The following MFNG variants were observed in gnomAD, a reference collection of about 807,000 sequenced individuals.
MFNG encodes the protein beta-1,3-N-acetylglucosaminyltransferase manic fringe.
A neutral mutation model predicts 34.2 loss-of-function variants in MFNG; 24 were observed. That is an observed-to-expected ratio of 0.70 (90% CI 0.51 to 0.99). MFNG has a LOEUF of 0.99. Among genes scored for constraint, MFNG ranks in the 50% least tolerant of loss-of-function variants. The pLI, the probability that MFNG is intolerant of heterozygous loss-of-function variation, is 0.00. For synonymous variants in MFNG, 158 were observed against 179.2 expected, an observed-to-expected ratio of 0.88 and a Z score of 0.94; for missense variants, 383 against 424.0, an observed-to-expected ratio of 0.90 and a Z score of 0.85.
chr22:37,482,174 T>C lies in MFNG; in HGVS notation c.256-1405A>G, dbSNP rs1028775637. On this transcript the variant is annotated intron_variant, in intron 1 of 7. Transcript: ENST00000356998. The surrounding 1 kb of genome is among the most constrained non-coding windows in gnomAD (Gnocchi z 4.1). The stretch of plus-strand genomic sequence containing the variant: ...GGCCACAGCCCTGCTTCTGAGCCAC[T>C]ATCACCTCTCACTGGACTACTGCAA... Among the ~76,000 whole-genome samples the C allele has an allele frequency of 1.3e-5, 2 of 152,140 alleles. No individual in the cohort carries two copies. Among genetic ancestry groups the C allele is most frequent in the Non-Finnish European group, 2.9e-5 (2 of 68,016 alleles).
At chr22:37,476,651 G>C (rs1180205130) in intron 5 of MFNG, among the ~76,000 whole-genome samples, 3 of 152,322 alleles carry the variant, frequency 2.0e-5, no homozygotes, top group African/African-American at 4.8e-5. Flanking sequence ...CCGACGGGGG[G>C]ACTGGGGCTC....
intron 7 of MFNG, among the ~76,000 whole-genome samples, 153 bp downstream of exon 7, chr22:37,472,290 G>A (rs573318888): frequency 6.6e-6 from 1 of 152,214 alleles, no homozygotes; most frequent in East Asian, 1.9e-4. Context: ...CCAGTGGCAG[G>A]GTCAGAAACT....
intron 5 of MFNG, among the ~76,000 whole-genome samples, chr22:37,476,574 C>T (rs1922050897): frequency 1.3e-5 from 2 of 152,172 alleles, no homozygotes; most frequent in African/African-American, 4.8e-5. Context: ...CCTACCAGGG[C>T]CAGCCCAGAC....
intron 4 of MFNG, among the ~76,000 whole-genome samples, chr22:37,477,736 C>G (rs921814809): frequency 1.3e-5 from 2 of 152,204 alleles, no homozygotes; most frequent in Non-Finnish European, 2.9e-5. Context: ...AGATATGAGC[C>G]ACCGCGCCCG....
At chr22:37,480,852 C>T (rs1922263526) in intron 1 of MFNG, 83 bp from the exon 2 acceptor site, 1 of 1,222,384 alleles carries the variant, frequency 8.2e-7, no homozygotes, top group Non-Finnish European at 1.2e-6. Context: ...CCACCAGGCC[C>T]CAGATGGACT....
chr22:37,472,234 C>G (rs191189774), intron 7 of MFNG, among the ~76,000 whole-genome samples: 15 of 152,070 alleles, frequency 9.9e-5, no homozygotes, highest in African/African-American at 3.4e-4. Flanking sequence ...AATGGGAGAC[C>G]GAATCCCAGA....
At chr22:37,472,594 T>C in intron 6 of MFNG, 66 bp from the exon 7 acceptor site, 1 of 1,409,344 alleles carries the variant, frequency 7.1e-7, no homozygotes. Flanking sequence ...GGCAGCATCC[T>C]GGCACAGGTG....
rs969924598 is a variant in MFNG, at chr22:37,485,294, C to G, written c.255+629G>C. 5.9e-5 allele frequency among the ~76,000 whole-genome samples: 9 copies of G among 152,194 alleles called. No homozygotes were observed. The highest frequency in any genetic ancestry group is 1.0e-4 in the Non-Finnish European group (7 of 68,024). On this transcript the variant is annotated intron_variant, in intron 1 of 7. Transcript: ENST00000356998. The surrounding 1 kb of genome is among the most constrained non-coding windows in gnomAD (Gnocchi z 5.3). ...TGGCATGCGCTCTCCTTCCCTCCCT[C>G]GGAAGCAGTCCGCAGGAAGCCAACA... is the stretch of plus-strand genomic sequence containing the variant.
In MFNG at chr22:37,469,381, G is replaced by A. The variant is rs1267883493; in HGVS notation, c.*582C>T. Reference sequence around the variant, plus strand: ...GTTATGCTCCATCATCTGGGCCCCGGCATGCTGAGGCTCCAAACAAAATCT... The same window carrying A: ...GTTATGCTCCATCATCTGGGCCCCGACATGCTGAGGCTCCAAACAAAATCT... On this transcript the variant is annotated 3_prime_UTR_variant, in exon 8 of 8. Coordinates refer to ENST00000356998, the MANE Select transcript of MFNG (RefSeq NM_002405.4). 1 of 191,096 alleles carries A rather than the reference G, an allele frequency of 5.2e-6. No individual in the cohort carries two copies. The highest frequency in any genetic ancestry group is 9.8e-5 in the South Asian group (1 of 10,162). 11.8% of individuals were successfully genotyped at this position (191,096 alleles called of 1,614,324 possible). A position where few individuals can be genotyped will look rare whatever the true frequency, so the allele number is the denominator to read the frequency against.
rs761550375 is a variant in MFNG at position 37,485,899 on chromosome 22, G to C, written c.255+24C>G. On this transcript the variant is annotated intron_variant, in intron 1 of 7. Transcript: ENST00000356998. The surrounding 1 kb of genome is among the most constrained non-coding windows in gnomAD (Gnocchi z 5.3). ...CCCTTAGGCCAGGGGCCACCCCCAG[G>C]GCCCAATGTCACCCACTTGTCACCT... The C allele has an allele frequency of 8.1e-6, 13 of 1,600,636 alleles. No homozygotes were observed. The highest frequency in any genetic ancestry group is 5.4e-5 in the African/African-American group (4 of 74,694).
At chr22:37,475,938 G>C (rs2145730048) in intron 5 of MFNG, among the ~76,000 whole-genome samples, 1 of 152,344 alleles carries the variant, frequency 6.6e-6, no homozygotes, top group South Asian at 2.1e-4. Flanking sequence ...GCCCCTCCCA[G>C]CCAGGGCAAG....
chr22:37,484,339 C>A (rs1299394759), intron 1 of MFNG: 1 of 138,562 alleles, frequency 7.2e-6, no homozygotes. Context: ...GATGGGGAAA[C>A]TGCGGGCCGA....
rs115799740 is a variant in MFNG, at chr22:37,470,460, T to C, written c.900-431A>G. 6.8e-3 allele frequency among the ~76,000 whole-genome samples: 1,039 copies of C among 152,346 alleles called. 10 individuals are homozygous for C. Among genetic ancestry groups the C allele is most frequent in the African/African-American group, 0.024 (982 of 41,576 alleles). ...CCATTTGGCAGTAATCTATGACTTC[T>C]AGAATCTTCAAGCTTTGAGGAAATT... On this transcript the variant is annotated intron_variant, in intron 7 of 7. Coordinates refer to ENST00000356998, the MANE Select transcript of MFNG (RefSeq NM_002405.4).
rs145785903 is a variant in MFNG, at chr22:37,479,741, C to T, written c.408-243G>A. ...CGCCCTGGCCAGGTGTGGTGGCTCA[C>T]GCCTGTAAGCCCAGCACTTTAGGAG... On this transcript the variant is annotated intron_variant, in intron 3 of 7. Transcript: ENST00000356998. Among the ~76,000 whole-genome samples, 1,047 of 152,274 alleles carry T rather than the reference C, an allele frequency of 6.9e-3. 6 individuals carry two copies. Among genetic ancestry groups the T allele is most frequent in the Non-Finnish European group, 0.011 (715 of 68,018 alleles).
intron 6 of MFNG, among the ~76,000 whole-genome samples, chr22:37,474,029 C>T (rs923326783): frequency 2.6e-5 from 4 of 152,188 alleles, no homozygotes; most frequent in African/African-American, 7.2e-5. Context: ...CCCCCAAAGA[C>T]CCATTCCATC....
rs1249676011 is a variant in MFNG, at chr22:37,482,642, A to T, written c.256-1873T>A. ...TCCTCAGCCCTCTGTTTCTCCTGTC[A>T]CTAACAGCAGTTAGCAAAACTCCCT... is the stretch of plus-strand genomic sequence containing the variant. On this transcript the variant is annotated intron_variant, in intron 1 of 7. Coordinates refer to ENST00000356998, the MANE Select transcript of MFNG (RefSeq NM_002405.4). The surrounding 1 kb of genome is among the most constrained non-coding windows in gnomAD (Gnocchi z 4.1). Among the ~76,000 whole-genome samples the T allele has an allele frequency of 6.6e-6, 1 of 151,844 alleles. No individual in the cohort carries two copies. Among genetic ancestry groups the T allele is most frequent in the Non-Finnish European group, 1.5e-5 (1 of 67,968 alleles).
At chr22:37,479,871 G>A (rs1224146946) in intron 3 of MFNG, among the ~76,000 whole-genome samples, 3 of 152,166 alleles carry the variant, frequency 2.0e-5, no homozygotes, top group Non-Finnish European at 2.9e-5. Context: ...AGGCATGATG[G>A]TGGGCATCTG....
At chr22:37,471,476 C>A (rs1921799938) in intron 7 of MFNG, among the ~76,000 whole-genome samples, 1 of 152,098 alleles carries the variant, frequency 6.6e-6, no homozygotes, top group Non-Finnish European at 1.5e-5. Flanking sequence ...GGCCCAGAGT[C>A]CATGTGTCCC....
chr22:37,484,738 C>A (rs1474155242), intron 1 of MFNG: 2 of 152,386 alleles, frequency 1.3e-5, no homozygotes, highest in Non-Finnish European at 2.9e-5. Context: ...CAGGATCTCC[C>A]CAAGATGAGA....
Sources: allele counts gnomAD v4.1 joint callset (sites outside exome capture counted in the v4.1 genomes callset), GRCh38; gene constraint gnomAD v4.1.1; non-coding constraint Gnocchi (gnomAD v3.1); transcripts MANE v1.5; gene names NCBI Gene and HGNC (gene_info 2026-07-23, HGNC 2026-07-21).